The following STK33 variants were observed in gnomAD, a reference collection of about 807,000 sequenced individuals.
The protein encoded by STK33 is serine/threonine-protein kinase 33.
In STK33, 52 loss-of-function variants were observed where a neutral mutation model predicts 58.0. The ratio of observed to expected loss-of-function variants is 0.90; its 90% CI spans 0.72 to 1.13. STK33 has a LOEUF of 1.13. Ranked by LOEUF, STK33 falls within the 50% of genes most tolerant of loss-of-function variation. The pLI, the probability that STK33 is intolerant of heterozygous loss-of-function variation, is 0.00. For synonymous variants in STK33, 215 were observed against 200.1 expected (o/e 1.07, Z -0.63); for missense variants, 630 against 604.2 (o/e 1.04, Z -0.45).
At chr11:8,432,596 A>G (rs755282969) in intron 14 of STK33, among the ~76,000 whole-genome samples, 27 of 152,230 alleles carry the variant, frequency 1.8e-4, no homozygotes, top group Non-Finnish European at 3.4e-4. Context: ...ACCACATTTC[A>G]AAATGCACAG....
chr11:8,505,128 A>G (rs115098811), intron 1 of STK33, among the ~76,000 whole-genome samples: 2,789 of 152,334 alleles, frequency 0.018, 92 homozygotes, highest in African/African-American at 0.062. Context: ...ACCACTGGAC[A>G]GCCATAAACT....
intron 15 of STK33, among the ~76,000 whole-genome samples, chr11:8,400,281 C>T (rs575066862): frequency 4.6e-5 from 7 of 152,052 alleles, no homozygotes; most frequent in South Asian, 2.1e-4. Flanking sequence ...ATGATCAAGC[C>T]GGCTTCATCC....
the STK33 span, among the ~76,000 whole-genome samples, chr11:8,374,148 C>A: frequency 1.9e-4 from 29 of 152,306 alleles, no homozygotes; most frequent in Middle Eastern, 3.4e-3. Flanking sequence ...TCCAAGCTGC[C>A]AGGGCTGACT....
At chr11:8,451,213 T>C (rs1946235544) in intron 11 of STK33, among the ~76,000 whole-genome samples, 1 of 152,172 alleles carries the variant, frequency 6.6e-6, no homozygotes. Context: ...TCCAACAATT[T>C]CACTCTTAGT....
intron 1 of STK33, among the ~76,000 whole-genome samples, chr11:8,578,061 T>C (rs1457763625): frequency 1.3e-5 from 2 of 152,148 alleles, no homozygotes; most frequent in African/African-American, 4.8e-5. Context: ...GTCAGTCAAC[T>C]ATGCCATAAT....
intron 1 of STK33, among the ~76,000 whole-genome samples, chr11:8,488,723 C>T (rs1327946832): frequency 6.6e-6 from 1 of 152,062 alleles, no homozygotes; most frequent in Non-Finnish European, 1.5e-5. Flanking sequence ...CCAGCAGCAA[C>T]AAAACACCCT....
the STK33 span, among the ~76,000 whole-genome samples, chr11:8,385,162 C>G: frequency 6.6e-6 from 1 of 152,240 alleles, no homozygotes; most frequent in Non-Finnish European, 1.5e-5. Context: ...TCATATCAAT[C>G]CATTTCTCTC....
chr11:8,364,216 T>C, the STK33 span, among the ~76,000 whole-genome samples: 3 of 152,262 alleles, frequency 2.0e-5, no homozygotes, highest in Non-Finnish European at 4.4e-5. Context: ...GGTGGCGACG[T>C]CGTCGGTGGA....
the STK33 span, among the ~76,000 whole-genome samples, chr11:8,348,857 G>T: frequency 6.6e-6 from 1 of 150,632 alleles, no homozygotes; most frequent in Non-Finnish European, 1.5e-5. Context: ...TGAGTGAAAA[G>T]GGTTGGAGAG....
intron 11 of STK33, among the ~76,000 whole-genome samples, chr11:8,444,864 T>C (rs1005935279): frequency 4.6e-5 from 7 of 152,092 alleles, no homozygotes; most frequent in Admixed American, 2.0e-4. Context: ...ATTTTTATTA[T>C]CTAAAAGGTT....
chr11:8,441,638 T>C (rs1944756916), intron 11 of STK33, among the ~76,000 whole-genome samples: 2 of 152,084 alleles, frequency 1.3e-5, no homozygotes, highest in Non-Finnish European at 2.9e-5. Flanking sequence ...ATTAGTGGCG[T>C]GAGACACCAC....
intron 1 of STK33, among the ~76,000 whole-genome samples, chr11:8,577,629 A>G (rs1236526648): frequency 1.3e-5 from 2 of 152,116 alleles, no homozygotes; most frequent in African/African-American, 2.4e-5. Context: ...TTACTCAGTA[A>G]CAGGAAAAAT....
At chr11:8,461,967 A>G in intron 7 of STK33, 58 bp from the exon 8 acceptor site, 1 of 1,328,598 alleles carries the variant, frequency 7.5e-7, no homozygotes, top group South Asian at 1.5e-5. Flanking sequence ...ACATTCCTTG[A>G]TAGAAAAGTT....
At chr11:8,529,266 AAACT>A (rs1275949400) in intron 1 of STK33, among the ~76,000 whole-genome samples, 1 of 152,212 alleles carries the variant, frequency 6.6e-6, no homozygotes, top group Non-Finnish European at 1.5e-5. Context: ...TCCTAACTCC[AAACT>A]AACTCTTTTA....
intron 14 of STK33, among the ~76,000 whole-genome samples, chr11:8,418,217 T>C (rs1383814506): frequency 1.3e-5 from 2 of 151,978 alleles, no homozygotes; most frequent in African/African-American, 4.8e-5. Flanking sequence ...TACTATCCAA[T>C]AGTTATTTTT....
At chr11:8,517,457 A>G (rs1952906822) in intron 1 of STK33, among the ~76,000 whole-genome samples, 1 of 152,250 alleles carries the variant, frequency 6.6e-6, no homozygotes. Flanking sequence ...GCTCCTCGCC[A>G]GCAACGGAAC....
At chr11:8,518,541 G>C (rs1030471436) in intron 1 of STK33, among the ~76,000 whole-genome samples, 8 of 152,198 alleles carry the variant, frequency 5.3e-5, no homozygotes, top group African/African-American at 1.7e-4. Context: ...GAAAGACACA[G>C]ACTGGCAAAT....
At chr11:8,402,895 T>C (rs1440319955) in intron 15 of STK33, among the ~76,000 whole-genome samples, 2 of 152,214 alleles carry the variant, frequency 1.3e-5, no homozygotes, top group East Asian at 1.9e-4. Context: ...TCTTCTCTCA[T>C]AGCTGGAGGG....
At chr11:8,454,342 A>C (rs1946607186) in intron 10 of STK33, among the ~76,000 whole-genome samples, 3 of 152,196 alleles carry the variant, frequency 2.0e-5, no homozygotes, top group Non-Finnish European at 4.4e-5. Context: ...ATTAATACAC[A>C]GGAAAATTTT....
Sources: allele counts gnomAD v4.1 joint callset (sites outside exome capture counted in the v4.1 genomes callset), GRCh38; gene constraint gnomAD v4.1.1; transcripts MANE v1.5; gene names NCBI Gene and HGNC (gene_info 2026-07-23, HGNC 2026-07-21).